Variants in ATR observed in about 807,000 individuals in gnomAD.
The protein encoded by ATR is serine/threonine-protein kinase ATR.
In ATR, 142 loss-of-function variants were observed where a neutral mutation model predicts 305.3. The observed-to-expected ratio is 0.47, with a 90% confidence interval of 0.41 to 0.53. The LOEUF (loss-of-function observed/expected upper bound fraction) is 0.53, where lower values mean the gene tolerates loss of function less well. Ranked by LOEUF, ATR falls within the 20% of genes least tolerant of loss-of-function variation. The probability of loss-of-function intolerance (pLI) is 0.00; values close to 1 mark genes in which losing one functional copy is unlikely to be tolerated. For synonymous variants in ATR, 1,050 were observed against 1,068.1 expected (o/e 0.98, Z 0.33); for missense variants, 2,135 against 3,133.1 (o/e 0.68, Z 7.60).
chr3:142,521,657 A>T (rs1288401635), intron 23 of ATR, among the ~76,000 whole-genome samples: 1 of 152,196 alleles, frequency 6.6e-6, no homozygotes, highest in Non-Finnish European at 1.5e-5. Context: ...GAGGCTCAAA[A>T]TTTCAGTGGA....
intron 36 of ATR, among the ~76,000 whole-genome samples, chr3:142,484,088 T>C (rs2108308353): frequency 6.6e-6 from 1 of 152,260 alleles, no homozygotes; most frequent in East Asian, 1.9e-4. Flanking sequence ...CAGGGCACTT[T>C]AGGCCTCAGG....
intron 36 of ATR, among the ~76,000 whole-genome samples, chr3:142,476,032 C>G (rs1299986908): frequency 6.6e-6 from 1 of 152,122 alleles, no homozygotes; most frequent in Non-Finnish European, 1.5e-5. Context: ...AATTTTCTCC[C>G]ATTCTGTAAG....
At chr3:142,453,020 G>A (rs759018001) in intron 46 of ATR, 108 bp downstream of exon 46, 6 of 1,558,136 alleles carry the variant, frequency 3.9e-6, no homozygotes, top group Middle Eastern at 3.3e-4. Context: ...GTCACTAACA[G>A]TATTTCCAAG....
intron 21 of ATR, among the ~76,000 whole-genome samples, chr3:142,532,867 G>A (rs1179617303): frequency 6.6e-6 from 1 of 152,120 alleles, no homozygotes; most frequent in African/African-American, 2.4e-5. Flanking sequence ...ACTCTTAAGA[G>A]TACTGACTAC....
At chr3:142,474,832 A>T (rs1355977255) in intron 36 of ATR, among the ~76,000 whole-genome samples, 1 of 152,140 alleles carries the variant, frequency 6.6e-6, no homozygotes, top group East Asian at 1.9e-4. Flanking sequence ...ACTTTTCACC[A>T]CTGAGTATGA....
chr3:142,548,314 A>G (rs1013387811), intron 15 of ATR, among the ~76,000 whole-genome samples: 4 of 152,186 alleles, frequency 2.6e-5, no homozygotes, highest in Non-Finnish European at 5.9e-5. Flanking sequence ...GCTGACTTGG[A>G]CAAGTTACCT....
intron 19 of ATR, among the ~76,000 whole-genome samples, chr3:142,537,354 A>G (rs2033897750): frequency 6.6e-6 from 1 of 151,884 alleles, no homozygotes; most frequent in East Asian, 1.9e-4. Context: ...AAGTATTGGT[A>G]TTGTTGGCAT....
chr3:142,499,618 T>C lies in ATR; in HGVS notation c.5380+9A>G, dbSNP rs1172708699. The C allele has an allele frequency of 2.5e-6, 4 of 1,613,098 alleles. No individual in the cohort carries two copies. The highest frequency in any genetic ancestry group is 1.7e-6 in the Non-Finnish European group (2 of 1,179,178). ...CTAAAACTGCTTATATTTTAAGAAG[T>C]AATTTTACCTGCTGCCAAATAGTTT... On this transcript the variant is annotated intron_variant, in intron 31 of 46. Transcript: ENST00000350721.
chr3:142,559,841 A>G (rs1407669474), intron 6 of ATR, among the ~76,000 whole-genome samples: 1 of 152,222 alleles, frequency 6.6e-6, no homozygotes, highest in African/African-American at 2.4e-5. Context: ...GGCTGTAGTG[A>G]GCCATGATCA....
intron 44 of ATR, 53 bp downstream of exon 44, chr3:142,458,905 G>T: frequency 2.5e-6 from 4 of 1,584,020 alleles, no homozygotes; most frequent in Non-Finnish European, 3.5e-6. Flanking sequence ...CAGTTGTTGA[G>T]AAAAGGAAAT....
intron 46 of ATR, chr3:142,450,202 T>G: frequency 1.9e-6 from 1 of 526,274 alleles, no homozygotes; most frequent in Non-Finnish European, 3.5e-6. Flanking sequence ...GAGCCTGGAC[T>G]CCAAATATGA....
At chr3:142,533,080 C>G (rs2033723543) in intron 21 of ATR, among the ~76,000 whole-genome samples, 1 of 152,044 alleles carries the variant, frequency 6.6e-6, no homozygotes, top group Non-Finnish European at 1.5e-5. Flanking sequence ...AAGGGGACTG[C>G]ATGAGGCCAG....
intron 23 of ATR, 44 bp from the exon 24 acceptor site, chr3:142,519,828 A>G (rs749253555): frequency 2.8e-4 from 376 of 1,330,392 alleles, no homozygotes; most frequent in Non-Finnish European, 3.9e-4. Context: ...AGTGAAGCAG[A>G]TAACGCTTTA....
At chr3:142,484,430 C>A (rs1314225970) in intron 36 of ATR, among the ~76,000 whole-genome samples, 1 of 152,130 alleles carries the variant, frequency 6.6e-6, no homozygotes, top group Non-Finnish European at 1.5e-5. Flanking sequence ...TGAAGAAGAC[C>A]TCATCCACGT....
At chr3:142,472,845 GCC>G (rs1042170189) in intron 36 of ATR, among the ~76,000 whole-genome samples, 5 of 152,016 alleles carry the variant, frequency 3.3e-5, no homozygotes, top group Admixed American at 1.3e-4. Context: ...TCACCATGTT[GCC>G]CAGGCTGGTC....
rs192568055 is a variant in ATR, at chr3:142,526,611, T to C, written c.3946-2412A>G. On this transcript the variant is annotated intron_variant, in intron 21 of 46. Transcript: ENST00000350721. ...ATCAATTTCTGTTTTCTTGAGTGTT[T>C]TCATTTGAAGTAGGTGATGAAATGT... 5.7e-4 allele frequency among the ~76,000 whole-genome samples: 86 copies of C among 152,136 alleles called. 1 individual carries two copies. In the East Asian group the frequency reaches 0.011, roughly 20 times the overall value.
At chr3:142,510,914 T>G (rs2032517725) in intron 27 of ATR, among the ~76,000 whole-genome samples, 1 of 152,212 alleles carries the variant, frequency 6.6e-6, no homozygotes, top group South Asian at 2.1e-4. Flanking sequence ...GTTGTCATTT[T>G]TAAATCAAGA....
At chr3:142,538,428 A>G in intron 19 of ATR, 54 bp downstream of exon 19, 4 of 1,560,756 alleles carry the variant, frequency 2.6e-6, no homozygotes, top group Non-Finnish European at 3.5e-6. Flanking sequence ...ATTTTGAGAC[A>G]TAAAAATACA....
rs2108494921 is a variant in ATR at position 142,566,331 on chromosome 3, A to G, written c.152-70T>C. On this transcript the variant is annotated intron_variant, in intron 2 of 46. Transcript: ENST00000350721. ...AATGGTCCTTTTGTTAAGAAACCAG[A>G]CTGTGGGCCAGGCAAGGTGCCTCAC... 12 of 1,554,534 alleles carry G rather than the reference A, an allele frequency of 7.7e-6. No individual in the cohort carries two copies. The South Asian group carries it at 1.4e-4, about 18-fold the overall frequency.
Sources: gnomAD v4.1 joint callset for allele counts (sites outside exome capture counted in the v4.1 genomes callset) on GRCh38, gnomAD v4.1.1 for gene constraint, MANE v1.5 for transcripts, NCBI Gene and HGNC (gene_info 2026-07-23, HGNC 2026-07-21) for gene names.